SMAP2: variants seen among roughly 807,000 people sequenced by gnomAD.
SMAP2 encodes the protein small ArfGAP2.
Under a neutral mutation model 56.4 loss-of-function variants are expected in SMAP2, and 25 were observed. That is an observed-to-expected ratio of 0.44 (90% CI 0.32 to 0.62). The LOEUF is 0.62. Among genes scored for constraint, SMAP2 ranks in the 20% least tolerant of loss-of-function variants. The probability of loss-of-function intolerance (pLI) is 0.04; values close to 1 mark genes in which losing one functional copy is unlikely to be tolerated. For missense variants in SMAP2, 388 were observed against 545.6 expected (o/e 0.71, Z 2.88); for synonymous variants, 157 against 181.7 (o/e 0.86, Z 1.09).
At chr1:40,418,590 C>G (rs1258686504) in intron 9 of SMAP2, among the ~76,000 whole-genome samples, 3 of 152,152 alleles carry the variant, frequency 2.0e-5, no homozygotes, top group African/African-American at 7.2e-5. Flanking sequence ...AAACATATCC[C>G]AGCAAATCTA....
chr1:40,409,687 C>A, intron 3 of SMAP2, 70 bp from the exon 4 acceptor site: 2 of 1,082,436 alleles, frequency 1.8e-6, no homozygotes, highest in Non-Finnish European at 2.9e-6. Context: ...CTCCGTGGAA[C>A]ACAATTGATC....
intron 1 of SMAP2, among the ~76,000 whole-genome samples, chr1:40,347,228 T>TTTG (rs1644390161): frequency 2.8e-5 from 3 of 106,868 alleles, no homozygotes; most frequent in African/African-American, 1.3e-4. Flanking sequence ...GTGTGTGTGT[T>TTTG]TGTGTGTGTG....
At chr1:40,356,055 A>G (rs1644433966) in intron 1 of SMAP2, among the ~76,000 whole-genome samples, 1 of 151,912 alleles carries the variant, frequency 6.6e-6, no homozygotes, top group Non-Finnish European at 1.5e-5. Flanking sequence ...TTTAATTTTT[A>G]GCTCCCACAA....
At chr1:40,364,854 T>A (rs1258965550) in intron 2 of SMAP2, 1 of 188,970 alleles carries the variant, frequency 5.3e-6, no homozygotes, top group Non-Finnish European at 1.1e-5. Context: ...AAAAGTATAA[T>A]GTCTTTTTAG....
At chr1:40,407,044 C>T (rs1644892207) in intron 2 of SMAP2, among the ~76,000 whole-genome samples, 175 bp downstream of exon 2, 1 of 152,172 alleles carries the variant, frequency 6.6e-6, no homozygotes, top group African/African-American at 2.4e-5. Flanking sequence ...ATTTAAGATA[C>T]AAGTTATTCT....
Position 40,408,781 on chromosome 1 carries a change from A to C in SMAP2, c.323+43A>C. 1 of 1,500,488 alleles carries C rather than the reference A, an allele frequency of 6.7e-7. No individual in the cohort carries two copies. The highest frequency in any genetic ancestry group is 1.7e-4 in the Middle Eastern group (1 of 5,832). 92.9% of individuals were successfully genotyped at this position (1,500,488 alleles called of 1,614,324 possible). Reference sequence around the variant, plus strand: ...ACTTAGAAGGCTGAGTGGTATTTTGATGCTTGGGGAGAGTCAGACAAGACT... The same window carrying C: ...ACTTAGAAGGCTGAGTGGTATTTTGCTGCTTGGGGAGAGTCAGACAAGACT... On this transcript the variant is annotated intron_variant, in intron 3 of 9. Transcript: ENST00000372718. This position sits in a 1 kb window ranked among gnomAD's most constrained non-coding sequence, Gnocchi z 4.3.
intron 1 of SMAP2, among the ~76,000 whole-genome samples, chr1:40,382,118 T>C (rs1234547603): frequency 6.6e-6 from 1 of 152,184 alleles, no homozygotes; most frequent in Non-Finnish European, 1.5e-5. Flanking sequence ...ATTGGAAAAC[T>C]ACCTTTTTTC....
chr1:40,347,899 G>C (rs1441051566), intron 1 of SMAP2, among the ~76,000 whole-genome samples: 2 of 151,976 alleles, frequency 1.3e-5, no homozygotes, highest in East Asian at 3.9e-4. Flanking sequence ...CCATTCCATG[G>C]ATTTTATGCT....
At chr1:40,369,265 A>G (rs1286726289), upstream of SMAP2, among the ~76,000 whole-genome samples, 264 of 62,826 alleles carry the variant, frequency 4.2e-3, 1 homozygote, top group Admixed American at 7.6e-3. Context: ...ATATTGTGAA[A>G]ATGGCCATAC....
At chr1:40,383,333 T>C (rs1463110841) in intron 1 of SMAP2, among the ~76,000 whole-genome samples, 1 of 152,132 alleles carries the variant, frequency 6.6e-6, no homozygotes. Flanking sequence ...CTGCCTCTTA[T>C]CCTCCTCAGT....
chr1:40,399,802 T>C (rs138708362), intron 1 of SMAP2, among the ~76,000 whole-genome samples: 10 of 152,256 alleles, frequency 6.6e-5, no homozygotes, highest in African/African-American at 2.4e-4. Context: ...TTTAGAGATA[T>C]ATGCTGAAGT....
chr1:40,361,006 C>A (rs941746298), intron 1 of SMAP2, among the ~76,000 whole-genome samples: 20 of 152,240 alleles, frequency 1.3e-4, no homozygotes, highest in African/African-American at 4.6e-4. Flanking sequence ...CTTAATAAGA[C>A]ACCAGCTGGG....
Position 40,389,070 on chromosome 1 carries a change from C to A in SMAP2, c.103+14847C>A, listed in dbSNP as rs560083883. ...AAGGAACAAACTCCGGACACGCCGC[C>A]TTTAAGAACTGTAACACTCACTGCG... is the stretch of plus-strand genomic sequence containing the variant. On this transcript the variant is annotated intron_variant, in intron 1 of 9. Transcript: ENST00000372718. Among the ~76,000 whole-genome samples the A allele has an allele frequency of 2.0e-3, 311 of 152,308 alleles. 1 individual carries two copies. Among genetic ancestry groups the A allele is most frequent in the African/African-American group, 7.0e-3 (291 of 41,562 alleles).
At chr1:40,413,572 A>G (rs1281947159) in intron 5 of SMAP2, among the ~76,000 whole-genome samples, 1 of 152,200 alleles carries the variant, frequency 6.6e-6, no homozygotes, top group Non-Finnish European at 1.5e-5. Flanking sequence ...TTTCCACAGG[A>G]CATATTGTGG....
At chr1:40,378,727 C>G (rs1644564824) in intron 1 of SMAP2, among the ~76,000 whole-genome samples, 1 of 152,242 alleles carries the variant, frequency 6.6e-6, no homozygotes, top group African/African-American at 2.4e-5. Context: ...TTTTGCTTTT[C>G]CCTTCTTCTG....
intron 1 of SMAP2, among the ~76,000 whole-genome samples, chr1:40,354,590 A>G (rs963001029): frequency 2.0e-5 from 3 of 151,264 alleles, no homozygotes; most frequent in African/African-American, 7.3e-5. Context: ...GCCTGCCTCG[A>G]TCTCCCAAAG....
chr1:40,420,870 C>T (rs429606), intron 9 of SMAP2, among the ~76,000 whole-genome samples: 1 of 152,138 alleles, frequency 6.6e-6, no homozygotes, highest in South Asian at 2.1e-4. Context: ...GGAAACTGGT[C>T]TAGCTTAAAG....
intron 4 of SMAP2, 45 bp downstream of exon 4, chr1:40,409,880 C>T: frequency 8.1e-7 from 1 of 1,238,840 alleles, no homozygotes; most frequent in Admixed American, 1.7e-5. Context: ...AAGTAATGTG[C>T]TTATTAAATC....
At chr1:40,419,388 C>A (rs946448310) in intron 9 of SMAP2, among the ~76,000 whole-genome samples, 18 of 150,094 alleles carry the variant, frequency 1.2e-4, no homozygotes, top group Non-Finnish European at 5.9e-5. Flanking sequence ...TCAAGTGATT[C>A]TTCTGCGTCA....
Sources: allele counts gnomAD v4.1 joint callset (sites outside exome capture counted in the v4.1 genomes callset), GRCh38; gene constraint gnomAD v4.1.1; non-coding constraint Gnocchi (gnomAD v3.1); transcripts MANE v1.5; gene names NCBI Gene and HGNC (gene_info 2026-07-23, HGNC 2026-07-21).